Variants in TPST1 observed in about 807,000 individuals in gnomAD.
The protein encoded by TPST1 is tyrosylprotein sulfotransferase 1, also known as protein-tyrosine sulfotransferase 1.
In TPST1, 20 loss-of-function variants were observed where a neutral mutation model predicts 34.8. The ratio of observed to expected loss-of-function variants is 0.57; its 90% CI spans 0.40 to 0.84. The LOEUF is 0.84. Ranked by LOEUF, TPST1 falls within the 40% of genes least tolerant of loss-of-function variation. TPST1 has a pLI of 0.00. For missense variants in TPST1, 353 were observed against 455.5 expected (o/e 0.78, Z 2.05); for synonymous variants, 152 against 159.4 (o/e 0.95, Z 0.35).
At chr7:66,215,478 G>T (rs1281145974) in intron 1 of TPST1, among the ~76,000 whole-genome samples, 1 of 145,810 alleles carries the variant, frequency 6.9e-6, no homozygotes, top group African/African-American at 2.5e-5. Context: ...GGGTTCACAC[G>T]ATTCTCCTTC....
chr7:66,354,268 T>C (rs1244591423), intron 4 of TPST1, among the ~76,000 whole-genome samples: 1 of 152,052 alleles, frequency 6.6e-6, no homozygotes, highest in Non-Finnish European at 1.5e-5. Context: ...GCTGTGGAAA[T>C]TGGAGCCAGA....
At chr7:66,267,306 A>T (rs1173462556) in intron 2 of TPST1, among the ~76,000 whole-genome samples, 1 of 152,346 alleles carries the variant, frequency 6.6e-6, no homozygotes, top group African/African-American at 2.4e-5. Flanking sequence ...GAAGTGCAGA[A>T]TGTGCTTAGG....
chr7:66,212,608 C>T (rs112218785), intron 1 of TPST1, among the ~76,000 whole-genome samples: 3 of 151,998 alleles, frequency 2.0e-5, no homozygotes, highest in African/African-American at 4.8e-5. Context: ...TACAGGCTCC[C>T]GCTACCAGGC....
At chr7:66,356,706 T>C (rs1792589260) in intron 4 of TPST1, 119 bp from the exon 5 acceptor site, 5 of 1,122,602 alleles carry the variant, frequency 4.5e-6, no homozygotes, top group Non-Finnish European at 6.7e-6. Context: ...AGTAGTGCAC[T>C]GAGTTCATCT....
chr7:66,270,494 C>T (rs1234638872), intron 2 of TPST1, among the ~76,000 whole-genome samples: 4 of 152,146 alleles, frequency 2.6e-5, no homozygotes, highest in Non-Finnish European at 4.4e-5. Context: ...CTTCTTTATA[C>T]TTTTATTACC....
intron 1 of TPST1, among the ~76,000 whole-genome samples, chr7:66,228,504 G>A (rs114755398): frequency 0.012 from 1,820 of 152,120 alleles, 37 homozygotes; most frequent in African/African-American, 0.042. Context: ...TATCATATAT[G>A]TAACCCCCTA....
intron 2 of TPST1, among the ~76,000 whole-genome samples, chr7:66,271,466 C>T (rs1012056588): frequency 1.3e-5 from 2 of 152,184 alleles, no homozygotes; most frequent in Non-Finnish European, 2.9e-5. Flanking sequence ...CGTGAGCCAC[C>T]GTGCCTGGCT....
Position 66,240,396 on chromosome 7 carries a change from T to C in TPST1, c.-30T>C. The C allele has an allele frequency of 6.3e-7, 1 of 1,593,548 alleles. No homozygotes were observed. Among genetic ancestry groups the C allele is most frequent in the Non-Finnish European group, 8.6e-7 (1 of 1,168,526 alleles). On this transcript the variant is annotated 5_prime_UTR_variant, in exon 2 of 6. Transcript: ENST00000304842. ...TCCGAAAATCATTTTGAGCAAAATA[T>C]CTGTTTAATAACAAGATAACCACAT...
At chr7:66,200,203 C>G in the TPST1 span, among the ~76,000 whole-genome samples, 14 of 152,144 alleles carry the variant, frequency 9.2e-5, no homozygotes, top group African/African-American at 3.4e-4. Flanking sequence ...TTGGCCAGGT[C>G]TTCTCTAGAG....
chr7:66,269,485 T>G (rs1278110941), intron 2 of TPST1, among the ~76,000 whole-genome samples: 5 of 152,118 alleles, frequency 3.3e-5, no homozygotes, highest in African/African-American at 1.2e-4. Context: ...ATCAATAAAT[T>G]AAAGGAGAAA....
intron 3 of TPST1, among the ~76,000 whole-genome samples, chr7:66,348,311 C>T (rs1792397427): frequency 6.6e-6 from 1 of 152,176 alleles, no homozygotes; most frequent in Non-Finnish European, 1.5e-5. Flanking sequence ...AGTACTACTA[C>T]AGAAGCTTCC....
intron 3 of TPST1, among the ~76,000 whole-genome samples, chr7:66,329,831 T>C (rs1344486262): frequency 6.6e-6 from 1 of 152,086 alleles, no homozygotes; most frequent in African/African-American, 2.4e-5. Flanking sequence ...TTATCCTAAG[T>C]GAATTAATGC....
At chr7:66,268,993 C>CA (rs1790646189) in intron 2 of TPST1, among the ~76,000 whole-genome samples, 1 of 152,140 alleles carries the variant, frequency 6.6e-6, no homozygotes, top group Admixed American at 6.5e-5. Context: ...CTATAAAAGA[C>CA]ATTTTTAAAA....
At chr7:66,343,942 G>T in intron 3 of TPST1, among the ~76,000 whole-genome samples, 1 of 152,158 alleles carries the variant, frequency 6.6e-6, no homozygotes, top group Non-Finnish European at 1.5e-5. Flanking sequence ...GAACCCAAAA[G>T]AAATACTAGA....
At chr7:66,246,270 G>A (rs1365876560) in intron 2 of TPST1, among the ~76,000 whole-genome samples, 1 of 143,726 alleles carries the variant, frequency 7.0e-6, no homozygotes, top group Non-Finnish European at 1.5e-5. Flanking sequence ...GCCTCAAGCA[G>A]TCTTCCTGCC....
intron 2 of TPST1, among the ~76,000 whole-genome samples, chr7:66,258,706 C>A (rs1790427926): frequency 6.6e-6 from 1 of 152,124 alleles, no homozygotes; most frequent in South Asian, 2.1e-4. Context: ...TGGTGCCACC[C>A]TTAGGGTGAA....
At chr7:66,207,661 A>G (rs1789158047) in intron 1 of TPST1, among the ~76,000 whole-genome samples, 1 of 152,082 alleles carries the variant, frequency 6.6e-6, no homozygotes, top group Non-Finnish European at 1.5e-5. Context: ...CATGGCTTCA[A>G]ATAGCACCTA....
rs545040438 is a variant in TPST1, at chr7:66,244,969, C to T, written c.845+3699C>T. ...TAAGAACATGAAAACTGACACCCTACAGCTTCTAATAAGTAAAGCAGACAA... is the reference window on the plus strand; with the variant it reads ...TAAGAACATGAAAACTGACACCCTATAGCTTCTAATAAGTAAAGCAGACAA... On this transcript the variant is annotated intron_variant, in intron 2 of 5. Transcript: ENST00000304842. Among the ~76,000 whole-genome samples, 4 of 152,252 alleles carry T rather than the reference C, an allele frequency of 2.6e-5. No individual in the cohort carries two copies. The East Asian group carries it at 5.8e-4, about 22-fold the overall frequency.
chr7:66,311,890 A>G (rs1242396838), intron 3 of TPST1, among the ~76,000 whole-genome samples: 1 of 152,182 alleles, frequency 6.6e-6, no homozygotes, highest in Non-Finnish European at 1.5e-5. Context: ...TTCAAAGTCA[A>G]ACCTTTCTCA....
Sources: gnomAD v4.1 joint callset for allele counts (sites outside exome capture counted in the v4.1 genomes callset) on GRCh38, gnomAD v4.1.1 for gene constraint, MANE v1.5 for transcripts, NCBI Gene and HGNC (gene_info 2026-07-23, HGNC 2026-07-21) for gene names.